SLC4A5: variants seen among roughly 807,000 people sequenced by gnomAD.
The protein encoded by SLC4A5 is solute carrier family 4 member 5, also known as electrogenic sodium bicarbonate cotransporter 4.
In SLC4A5, 96 loss-of-function variants were observed where a neutral mutation model predicts 120.4. The observed-to-expected ratio is 0.80, with a 90% CI of 0.68 to 0.94. SLC4A5 has a LOEUF of 0.94. Among genes scored for constraint, SLC4A5 ranks in the 40% least tolerant of loss-of-function variants. SLC4A5 has a pLI of 0.00. For synonymous variants in SLC4A5, 550 were observed against 571.1 expected (o/e 0.96, Z 0.53); for missense variants, 1,259 against 1,459.5 (o/e 0.86, Z 2.24).
chr2:74,292,263 A>C lies in SLC4A5; in HGVS notation c.272-6361T>G, dbSNP rs1054499331. ...GTGAGATGCTTCCTCTGTTACTACCAGTTACCAGCCTGTTCCCTCTAAACA... is the reference window on the plus strand; with the variant it reads ...GTGAGATGCTTCCTCTGTTACTACCCGTTACCAGCCTGTTCCCTCTAAACA... On this transcript the variant is annotated intron_variant, in intron 7 of 30. Transcript: ENST00000394019. 2.0e-5 allele frequency among the ~76,000 whole-genome samples: 3 copies of C among 152,140 alleles called. No homozygotes were observed. In the South Asian group the frequency reaches 6.2e-4, roughly 31 times the overall value.
Position 74,296,529 on chromosome 2 carries a change from G to A in SLC4A5, c.271+7960C>T, listed in dbSNP as rs193160156. Among the ~76,000 whole-genome samples, 345 of 150,418 alleles carry A rather than the reference G, an allele frequency of 2.3e-3. 3 individuals carry two copies. Among genetic ancestry groups the A allele is most frequent in the African/African-American group, 8.0e-3 (326 of 40,868 alleles). On this transcript the variant is annotated intron_variant, in intron 7 of 30. Transcript: ENST00000394019. ...TGTAATCCTAGCACTTTGGGAGGCC[G>A]AGGCAGGTGGATCACTTGAGTCACT...
chr2:74,218,355 G>A (rs144489195), exon 31 of SLC4A5: 5 of 152,250 alleles, frequency 3.3e-5, no homozygotes, highest in African/African-American at 9.6e-5. Flanking sequence ...GGGGAAACAA[G>A]CATTTTTTTA....
At chr2:74,320,358 T>A (rs762046011) in intron 5 of SLC4A5, among the ~76,000 whole-genome samples, 3 of 152,178 alleles carry the variant, frequency 2.0e-5, no homozygotes, top group Non-Finnish European at 2.9e-5. Context: ...CACATCATTA[T>A]GAAGCATTAG....
chr2:74,252,782 C>G (rs889400891), intron 15 of SLC4A5, among the ~76,000 whole-genome samples, 192 bp downstream of exon 15: 2 of 152,142 alleles, frequency 1.3e-5, no homozygotes, highest in Admixed American at 6.5e-5. Flanking sequence ...GAGACAAGAT[C>G]TCACTATGTT....
Position 74,264,414 on chromosome 2 carries a change from G to C in SLC4A5, c.563-115C>G, listed in dbSNP as rs965895473. The C allele has an allele frequency of 9.5e-6, 12 of 1,265,954 alleles. No homozygotes were observed. In the African/African-American group the frequency reaches 1.7e-4, roughly 17 times the overall value. The allele number at this position is 1,265,954 out of a possible 1,614,324, so 78.4% of individuals were successfully genotyped here. A position where few individuals can be genotyped will look rare whatever the true frequency, so the allele number is the denominator to read the frequency against. On this transcript the variant is annotated intron_variant, in intron 9 of 30. Coordinates refer to ENST00000394019, the Ensembl canonical transcript of SLC4A5. ...TAAATGTGGCAGAGGGGGTGTGGAAGTACTCCTGGCTTTGCCACTAGCTGT... is the reference window on the plus strand; with the variant it reads ...TAAATGTGGCAGAGGGGGTGTGGAACTACTCCTGGCTTTGCCACTAGCTGT...
chr2:74,283,143 AG>A (rs1219564771), intron 8 of SLC4A5, among the ~76,000 whole-genome samples: 1 of 152,232 alleles, frequency 6.6e-6, no homozygotes, highest in Non-Finnish European at 1.5e-5. Flanking sequence ...AGAAAGAGAA[AG>A]GGCTGAGAAA....
chr2:74,304,871 G>A (rs571311550), intron 6 of SLC4A5, among the ~76,000 whole-genome samples, 191 bp from the exon 7 acceptor site: 2 of 152,276 alleles, frequency 1.3e-5, no homozygotes, highest in South Asian at 2.1e-4. Context: ...ACAGTTGCTG[G>A]AGGGAATACC....
chr2:74,255,208 T>C lies in SLC4A5; in HGVS notation c.1026-502A>G, dbSNP rs1670923405. 6.6e-6 allele frequency among the ~76,000 whole-genome samples: 1 copy of C among 152,210 alleles called. No homozygotes were observed. Among genetic ancestry groups the C allele is most frequent in the African/African-American group, 2.4e-5 (1 of 41,448 alleles). On this transcript the variant is annotated intron_variant, in intron 13 of 30. Coordinates refer to ENST00000394019, the Ensembl canonical transcript of SLC4A5. The surrounding 1 kb of genome is among the most constrained non-coding windows in gnomAD (Gnocchi z 4.0). ...CTTCCCCTCCCATGAGGCTCCCCCT[T>C]GAGCATCCTCACCTTTGTCTTGCTG...
intron 19 of SLC4A5, among the ~76,000 whole-genome samples, chr2:74,245,971 C>T (rs1670597044): frequency 6.6e-6 from 1 of 152,134 alleles, no homozygotes; most frequent in Non-Finnish European, 1.5e-5. Flanking sequence ...TTGGCATGAC[C>T]TTGGGTGGTC....
intron 8 of SLC4A5, among the ~76,000 whole-genome samples, chr2:74,279,493 G>A (rs1234248646): frequency 6.6e-6 from 1 of 151,982 alleles, no homozygotes; most frequent in Non-Finnish European, 1.5e-5. Context: ...TGCAAATACT[G>A]AAGTTCCTAG....
intron 5 of SLC4A5, among the ~76,000 whole-genome samples, chr2:74,319,151 A>G (rs890049253): frequency 6.6e-6 from 1 of 152,148 alleles, no homozygotes; most frequent in Non-Finnish European, 1.5e-5. Flanking sequence ...TATAAGTGGG[A>G]GCTAACAATT....
intron 6 of SLC4A5, among the ~76,000 whole-genome samples, chr2:74,313,328 TA>T (rs1401178022): frequency 6.6e-6 from 1 of 152,252 alleles, no homozygotes; most frequent in African/African-American, 2.4e-5. Context: ...CACTTTCAAA[TA>T]ACGCTATACT....
intron 6 of SLC4A5, chr2:74,306,647 C>A (rs973430135): frequency 1.4e-4 from 70 of 492,850 alleles, no homozygotes; most frequent in African/African-American, 3.9e-4. Context: ...TTTGATAGTT[C>A]ATTTCTTTTT....
intron 6 of SLC4A5, among the ~76,000 whole-genome samples, chr2:74,311,584 T>C (rs1334931221): frequency 6.6e-6 from 1 of 152,234 alleles, no homozygotes; most frequent in Non-Finnish European, 1.5e-5. Flanking sequence ...AAGTGTATTG[T>C]TTAATCTCTA....
chr2:74,319,571 A>T (rs1007133671), intron 5 of SLC4A5: 1 of 152,192 alleles, frequency 6.6e-6, no homozygotes, highest in East Asian at 1.9e-4. Flanking sequence ...TTGGCCTGAC[A>T]TAAGTTGTTT....
intron 3 of SLC4A5, among the ~76,000 whole-genome samples, chr2:74,335,084 A>G (rs868007131): frequency 6.6e-6 from 1 of 152,184 alleles, no homozygotes; most frequent in Non-Finnish European, 1.5e-5. Flanking sequence ...CAGGGACGCC[A>G]CAGATTATGT....
intron 18 of SLC4A5, among the ~76,000 whole-genome samples, chr2:74,247,989 G>C (rs1670669501): frequency 6.6e-6 from 1 of 152,130 alleles, no homozygotes; most frequent in East Asian, 1.9e-4. Context: ...TGTAGAGGAG[G>C]CAACTGAGCC....
At chr2:74,254,145 G>A (rs958341954) in intron 14 of SLC4A5, among the ~76,000 whole-genome samples, 1 of 152,210 alleles carries the variant, frequency 6.6e-6, no homozygotes, top group Non-Finnish European at 1.5e-5. Context: ...TGGGGACAGA[G>A]TGTGACTCAG....
chr2:74,304,351 C>T, intron 7 of SLC4A5, 138 bp downstream of exon 7: 1 of 839,180 alleles, frequency 1.2e-6, no homozygotes, highest in Non-Finnish European at 1.8e-6. Flanking sequence ...GGAAGCAGAG[C>T]AGAGGGGGCC....
Sources: gnomAD v4.1 joint callset for allele counts (sites outside exome capture counted in the v4.1 genomes callset) on GRCh38, gnomAD v4.1.1 for gene constraint, Gnocchi (gnomAD v3.1) non-coding constraint, MANE v1.5 for transcripts, NCBI Gene and HGNC (gene_info 2026-07-23, HGNC 2026-07-21) for gene names.